Variants in AKAP6 observed in about 807,000 individuals in gnomAD.
AKAP6 encodes the protein A-kinase anchoring protein 6.
A neutral mutation model predicts 188.5 loss-of-function variants in AKAP6; 58 were observed. That is an observed-to-expected ratio of 0.31 (90% CI 0.25 to 0.38). AKAP6 has a LOEUF of 0.38. Ranked by LOEUF, AKAP6 falls within the 10% of genes least tolerant of loss-of-function variation. The pLI is 1.00. For synonymous variants in AKAP6, 989 were observed against 998.6 expected (o/e 0.99, Z 0.18); for missense variants, 2,710 against 2,740.0 (o/e 0.99, Z 0.24).
At chr14:32,750,962 C>G (rs965404561) in intron 11 of AKAP6, among the ~76,000 whole-genome samples, 1 of 151,688 alleles carries the variant, frequency 6.6e-6, no homozygotes, top group African/African-American at 2.4e-5. Flanking sequence ...GTCTCCATCT[C>G]CTGACCTCGT....
At chr14:32,786,889 A>T (rs902268274) in intron 12 of AKAP6, among the ~76,000 whole-genome samples, 10 of 152,158 alleles carry the variant, frequency 6.6e-5, no homozygotes, top group African/African-American at 2.4e-4. Context: ...TTCTTTGTAC[A>T]AATATATTTT....
intron 1 of AKAP6, among the ~76,000 whole-genome samples, chr14:32,428,372 C>A (rs1266200076): frequency 6.6e-6 from 1 of 152,058 alleles, no homozygotes; most frequent in Non-Finnish European, 1.5e-5. Flanking sequence ...TGCATAGCAG[C>A]CCTCTCTGCA....
chr14:32,818,010 A>C (rs1475284216), intron 12 of AKAP6, among the ~76,000 whole-genome samples: 9 of 152,198 alleles, frequency 5.9e-5, no homozygotes, highest in Non-Finnish European at 1.3e-4. Context: ...TTATGGTTGA[A>C]GTTAAATCCT....
At chr14:32,453,998 AGTCT>A (rs1473671401) in intron 2 of AKAP6, among the ~76,000 whole-genome samples, 1 of 152,312 alleles carries the variant, frequency 6.6e-6, no homozygotes, top group African/African-American at 2.4e-5. Flanking sequence ...AAGCTCTCAG[AGTCT>A]GTCTGTCTTT....
chr14:32,680,356 T>C (rs1445267597), intron 8 of AKAP6, among the ~76,000 whole-genome samples: 7 of 152,220 alleles, frequency 4.6e-5, no homozygotes, highest in African/African-American at 1.7e-4. Context: ...ATCTGGGGTG[T>C]CCTGCCCTTA....
intron 7 of AKAP6, among the ~76,000 whole-genome samples, chr14:32,666,634 T>C (rs1888949278): frequency 6.6e-6 from 1 of 152,132 alleles, no homozygotes; most frequent in African/African-American, 2.4e-5. Flanking sequence ...GAAAGGCAGC[T>C]GCTGTCATTT....
chr14:32,555,086 T>G (rs1883632193), intron 4 of AKAP6, among the ~76,000 whole-genome samples: 1 of 152,236 alleles, frequency 6.6e-6, no homozygotes, highest in Non-Finnish European at 1.5e-5. Context: ...TTTAACAAAC[T>G]TCTTCGGTGC....
intron 1 of AKAP6, among the ~76,000 whole-genome samples, chr14:32,335,664 ATCT>A (rs1886667190): frequency 6.6e-6 from 1 of 152,110 alleles, no homozygotes; most frequent in Admixed American, 6.6e-5. Flanking sequence ...GAGAAATCAA[ATCT>A]TCTTTGCAAA....
At chr14:32,616,069 A>C (rs1269985832) in intron 7 of AKAP6, among the ~76,000 whole-genome samples, 1 of 152,178 alleles carries the variant, frequency 6.6e-6, no homozygotes, top group Non-Finnish European at 1.5e-5. Flanking sequence ...TTAATTAAGA[A>C]TTATTAGCCA....
In AKAP6 at chr14:32,413,422, A is replaced by G. The variant is rs558029026; in HGVS notation, c.-34-20038A>G. Among the ~76,000 whole-genome samples the G allele has an allele frequency of 9.2e-5, 14 of 152,086 alleles. No individual in the cohort carries two copies. The South Asian group carries it at 2.9e-3, about 32-fold the overall frequency. ...GCTCTCAAACTCCTGGGCTCAAGTG[A>G]TCTCCTGCCTTTGTCTTCCAAAGCG... On this transcript the variant is annotated intron_variant, in intron 1 of 13. Transcript: ENST00000280979.
chr14:32,489,249 G>A lies in AKAP6; in HGVS notation c.325-46305G>A, dbSNP rs771420267. 1.1e-4 allele frequency among the ~76,000 whole-genome samples: 17 copies of A among 151,934 alleles called. No individual in the cohort carries two copies. In the South Asian group the frequency reaches 1.2e-3, roughly 11 times the overall value. ...TTTAGAGCTGCAATCTCACTCTGTC[G>A]CCCAGGCTGTGTACAGTAGTGTGAT... On this transcript the variant is annotated intron_variant, in intron 2 of 13. Coordinates refer to ENST00000280979, the MANE Select transcript of AKAP6 (RefSeq NM_004274.5).
At chr14:32,538,927 TAAAAC>T (rs970742782) in intron 3 of AKAP6, among the ~76,000 whole-genome samples, 5 of 152,304 alleles carry the variant, frequency 3.3e-5, no homozygotes, top group Admixed American at 3.3e-4. Flanking sequence ...TGTACTTAAA[TAAAAC>T]AAAACCAGTT....
At chr14:32,658,731 T>C (rs1303091125) in intron 7 of AKAP6, among the ~76,000 whole-genome samples, 1 of 151,330 alleles carries the variant, frequency 6.6e-6, no homozygotes, top group African/African-American at 2.4e-5. Flanking sequence ...ATATCAGTGA[T>C]TATATGAAGC....
At chr14:32,681,098 A>G (rs1046129283) in intron 8 of AKAP6, among the ~76,000 whole-genome samples, 1 of 152,194 alleles carries the variant, frequency 6.6e-6, no homozygotes, top group Non-Finnish European at 1.5e-5. Flanking sequence ...TTTTCATCCA[A>G]TAAATATTCA....
intron 1 of AKAP6, among the ~76,000 whole-genome samples, chr14:32,358,939 C>A (rs1887569478): frequency 6.6e-6 from 1 of 152,154 alleles, no homozygotes; most frequent in Non-Finnish European, 1.5e-5. Flanking sequence ...CTGCTGAGGT[C>A]CCAGGTGCAG....
intron 2 of AKAP6, among the ~76,000 whole-genome samples, chr14:32,531,510 T>A (rs1882413187): frequency 6.6e-6 from 1 of 152,228 alleles, no homozygotes; most frequent in African/African-American, 2.4e-5. Flanking sequence ...TTAAAAATTA[T>A]CATACAGCAG....
chr14:32,404,428 C>T (rs1316051648), intron 1 of AKAP6, among the ~76,000 whole-genome samples: 5 of 151,776 alleles, frequency 3.3e-5, no homozygotes, highest in Non-Finnish European at 5.9e-5. Flanking sequence ...TATGAGTTGA[C>T]TGTCAAGCAT....
chr14:32,759,025 A>G (rs559407795), intron 11 of AKAP6, among the ~76,000 whole-genome samples: 1 of 152,260 alleles, frequency 6.6e-6, no homozygotes, highest in African/African-American at 2.4e-5. Context: ...AAAGAGCTTT[A>G]CAGACATTAG....
intron 8 of AKAP6, among the ~76,000 whole-genome samples, chr14:32,684,895 C>A (rs994106029): frequency 1.4e-4 from 22 of 152,000 alleles, no homozygotes; most frequent in African/African-American, 5.1e-4. Flanking sequence ...GAAAAAGATA[C>A]GTAAGACTTA....
Sources: allele counts gnomAD v4.1 joint callset (sites outside exome capture counted in the v4.1 genomes callset), GRCh38; gene constraint gnomAD v4.1.1; transcripts MANE v1.5; gene names NCBI Gene and HGNC (gene_info 2026-07-23, HGNC 2026-07-21).